FUT9: variants seen among roughly 807,000 people sequenced by gnomAD.
FUT9 encodes the protein 4-galactosyl-N-acetylglucosaminide 3-alpha-L-fucosyltransferase 9.
In FUT9, 15 loss-of-function variants were observed where a neutral mutation model predicts 29.7. The ratio of observed to expected loss-of-function variants is 0.51; its 90% confidence interval spans 0.34 to 0.78. The LOEUF is 0.78. Ranked by LOEUF, FUT9 falls within the 30% of genes least tolerant of loss-of-function variation. The pLI is 0.01. For synonymous variants in FUT9, 169 were observed against 153.7 expected, an observed-to-expected ratio of 1.10 and a Z score of -0.74; for missense variants, 319 against 425.4, an observed-to-expected ratio of 0.75 and a Z score of 2.20.
intron 2 of FUT9, among the ~76,000 whole-genome samples, chr6:96,183,141 TAGA>T (rs1773340445): frequency 1.3e-5 from 2 of 152,122 alleles, no homozygotes; most frequent in African/African-American, 4.8e-5. Context: ...GTTTTCCTTG[TAGA>T]GGTATTTCAC....
intron 1 of FUT9, among the ~76,000 whole-genome samples, chr6:96,084,332 G>GT (rs1290507131): frequency 1.3e-5 from 2 of 152,024 alleles, no homozygotes; most frequent in Non-Finnish European, 2.9e-5. Flanking sequence ...GTGTTATGTT[G>GT]TTTTTTAAGC....
intron 2 of FUT9, among the ~76,000 whole-genome samples, chr6:96,122,603 T>C (rs1772050043): frequency 6.6e-6 from 1 of 152,216 alleles, no homozygotes; most frequent in South Asian, 2.1e-4. Context: ...ATGTTCATTT[T>C]TTGTAGGTGC....
chr6:96,154,917 T>A (rs913630642), intron 2 of FUT9, among the ~76,000 whole-genome samples: 1 of 152,098 alleles, frequency 6.6e-6, no homozygotes, highest in Non-Finnish European at 1.5e-5. Context: ...TGGACTGGGG[T>A]CAGTCCTTCA....
intron 2 of FUT9, among the ~76,000 whole-genome samples, chr6:96,172,337 C>A (rs1412988255): frequency 6.6e-6 from 1 of 152,092 alleles, no homozygotes; most frequent in Non-Finnish European, 1.5e-5. Flanking sequence ...TGAAAAATTT[C>A]TTTTAACATT....
chr6:96,057,338 A>G (rs1310479096), intron 1 of FUT9, among the ~76,000 whole-genome samples: 1 of 152,180 alleles, frequency 6.6e-6, no homozygotes, highest in Non-Finnish European at 1.5e-5. Flanking sequence ...TTTATTTTAT[A>G]TCTAACATTA....
intron 2 of FUT9, among the ~76,000 whole-genome samples, chr6:96,175,062 T>A (rs1280427574): frequency 1.3e-5 from 2 of 152,094 alleles, no homozygotes; most frequent in Non-Finnish European, 2.9e-5. Flanking sequence ...CCTTAATAAT[T>A]AGGCATTAGC....
chr6:96,029,337 T>C (rs1770221576), intron 1 of FUT9, among the ~76,000 whole-genome samples: 1 of 151,482 alleles, frequency 6.6e-6, no homozygotes, highest in Admixed American at 6.6e-5. Flanking sequence ...GGACTTCCAC[T>C]AGGTACGTAT....
At chr6:96,043,335 C>T (rs907780574) in intron 1 of FUT9, among the ~76,000 whole-genome samples, 17 of 152,184 alleles carry the variant, frequency 1.1e-4, no homozygotes, top group Non-Finnish European at 2.5e-4. Flanking sequence ...CAGGCGTGAG[C>T]CACCGCGCCC....
chr6:96,115,991 T>A (rs974010581), intron 2 of FUT9, among the ~76,000 whole-genome samples: 3 of 152,128 alleles, frequency 2.0e-5, no homozygotes, highest in Admixed American at 6.6e-5. Context: ...AAAAAATTGT[T>A]CCATCAAACA....
intron 1 of FUT9, among the ~76,000 whole-genome samples, chr6:96,057,605 TCC>T (rs1770794589): frequency 6.6e-6 from 1 of 152,220 alleles, no homozygotes; most frequent in Non-Finnish European, 1.5e-5. Context: ...CTCTCTCCAC[TCC>T]CTAAAGCTGG....
chr6:96,035,319 G>A (rs1241253401), intron 1 of FUT9, among the ~76,000 whole-genome samples: 1 of 151,410 alleles, frequency 6.6e-6, no homozygotes, highest in East Asian at 1.9e-4. Context: ...TGACAAAAAA[G>A]TGCATAAATG....
intron 1 of FUT9, among the ~76,000 whole-genome samples, chr6:96,102,298 A>G (rs1309783976): frequency 6.6e-6 from 1 of 152,156 alleles, no homozygotes; most frequent in East Asian, 1.9e-4. Context: ...TATATCAGAA[A>G]TTTTACATAT....
At chr6:96,147,340 T>C (rs944923907) in intron 2 of FUT9, among the ~76,000 whole-genome samples, 1 of 151,896 alleles carries the variant, frequency 6.6e-6, no homozygotes, top group Admixed American at 6.6e-5. Context: ...TTTGCATTTT[T>C]AGTGGATGGA....
chr6:96,169,102 A>C (rs1019919953), intron 2 of FUT9, among the ~76,000 whole-genome samples: 1 of 152,174 alleles, frequency 6.6e-6, no homozygotes, highest in Non-Finnish European at 1.5e-5. Context: ...ATGAGTACCA[A>C]GGCGCTGAAG....
Position 96,210,042 on chromosome 6 carries a change from A to G in FUT9, c.*5807A>G, listed in dbSNP as rs1773906822. On this transcript the variant is annotated 3_prime_UTR_variant, in exon 3 of 3. Coordinates refer to ENST00000302103, the MANE Select transcript of FUT9 (RefSeq NM_006581.4). ...CATCTACATAAAAATCATTTGAAAT[A>G]TTGTTAATAATACACAGCTTCTGAA... The G allele has an allele frequency of 1.2e-5, 2 of 166,892 alleles. No homozygotes were observed. Among genetic ancestry groups the G allele is most frequent in the Non-Finnish European group, 2.9e-5 (2 of 68,062 alleles). The allele number at this position is 166,892 out of a possible 1,614,324, so 10.3% of individuals were successfully genotyped here.
intron 1 of FUT9, among the ~76,000 whole-genome samples, chr6:96,039,017 C>T (rs1770409511): frequency 6.6e-6 from 1 of 152,152 alleles, no homozygotes; most frequent in South Asian, 2.1e-4. Flanking sequence ...TTCAATATTT[C>T]TACCTTAGCA....
intron 2 of FUT9, among the ~76,000 whole-genome samples, chr6:96,138,662 C>T (rs1772406233): frequency 6.6e-6 from 1 of 152,164 alleles, no homozygotes; most frequent in African/African-American, 2.4e-5. Context: ...CGAAGCTGGG[C>T]AGCAGCATCC....
At chr6:96,056,043 C>T (rs1297585463) in intron 1 of FUT9, among the ~76,000 whole-genome samples, 1 of 152,044 alleles carries the variant, frequency 6.6e-6, no homozygotes, top group Non-Finnish European at 1.5e-5. Flanking sequence ...TTCTATCTAG[C>T]TTAAGTTCTA....
chr6:96,073,485 T>A (rs909555360), intron 1 of FUT9, among the ~76,000 whole-genome samples: 1 of 147,820 alleles, frequency 6.8e-6, no homozygotes, highest in African/African-American at 2.5e-5. Context: ...AGATAAAGGA[T>A]GGTATTACTG....
Sources: gnomAD v4.1 joint callset for allele counts (sites outside exome capture counted in the v4.1 genomes callset) on GRCh38, gnomAD v4.1.1 for gene constraint, MANE v1.5 for transcripts, NCBI Gene and HGNC (gene_info 2026-07-23, HGNC 2026-07-21) for gene names.